The following ZNF385B variants were observed in gnomAD, a reference collection of about 807,000 sequenced individuals.
The protein encoded by ZNF385B is zinc finger protein 385B, also known as zinc finger protein 533.
ZNF385B carries 23 observed loss-of-function variants against 39.2 expected under a neutral mutation model. The observed-to-expected ratio is 0.59, with a 90% CI of 0.42 to 0.83. The LOEUF is 0.83. ZNF385B is among the 40% of genes least tolerant of loss of function. The pLI is 0.00. For synonymous variants in ZNF385B, 205 were observed against 222.6 expected (o/e 0.92, Z 0.70); for missense variants, 552 against 598.9 (o/e 0.92, Z 0.82).
At chr2:179,641,747 C>G (rs1692286201) in intron 3 of ZNF385B, among the ~76,000 whole-genome samples, 1 of 151,714 alleles carries the variant, frequency 6.6e-6, no homozygotes, top group African/African-American at 2.4e-5. Flanking sequence ...GAAATCTTAC[C>G]AGAGCAAATC....
intron 6 of ZNF385B, among the ~76,000 whole-genome samples, chr2:179,456,170 A>G (rs1317936564): frequency 6.6e-6 from 1 of 152,252 alleles, no homozygotes; most frequent in Non-Finnish European, 1.5e-5. Context: ...ATATTCAGAC[A>G]TCTCTGAAAA....
Position 179,443,371 on chromosome 2 carries a change from G to C in ZNF385B, c.1340C>G (p.Ser447Ter), listed in dbSNP as rs1176505823. 6.2e-7 allele frequency: 1 copy of C among 1,612,284 alleles called. No individual in the cohort carries two copies. The highest frequency in any genetic ancestry group is 8.5e-7 in the Non-Finnish European group (1 of 1,179,344). Residue 447 changes from serine to a stop codon, truncating the protein, a stop_gained, in exon 10 of 10, where the codon TCA (serine) becomes TGA (stop). Coordinates refer to ENST00000410066, the MANE Select transcript of ZNF385B (RefSeq NM_152520.6). LOFTEE classifies it low-confidence loss of function (END_TRUNC). ...AAAAAVSSAL[S>*]LPPRPSASLF... ...CGAGGCAGAGGGCCGGGGTGGGAGT[G>C]ACAGCGCTGAGGACACGGCTGCCGC... is the stretch of plus-strand genomic sequence containing the variant.
intron 3 of ZNF385B, among the ~76,000 whole-genome samples, chr2:179,639,133 G>C (rs577933273): frequency 1.2e-4 from 18 of 148,902 alleles, no homozygotes; most frequent in African/African-American, 3.9e-4. Context: ...GAGGTGGGAG[G>C]ATCACCTGAG....
chr2:179,485,503 T>A (rs997250679), intron 5 of ZNF385B, among the ~76,000 whole-genome samples: 3 of 152,152 alleles, frequency 2.0e-5, no homozygotes, highest in African/African-American at 7.2e-5. Context: ...GAACTGGTGA[T>A]GGTGAGCACC....
rs186933820 is a variant in ZNF385B at position 179,622,886 on chromosome 2, C to A, written c.299-77917G>T. On this transcript the variant is annotated intron_variant, in intron 3 of 9. Coordinates refer to ENST00000410066, the MANE Select transcript of ZNF385B (RefSeq NM_152520.6). ...AGGGACATGCCTACAACACTGGCAC[C>A]TGTGAGGGCCAGTTCATGCACTACC... 2.3e-3 allele frequency among the ~76,000 whole-genome samples: 347 copies of A among 152,268 alleles called. 1 individual carries two copies. Among genetic ancestry groups the A allele is most frequent in the African/African-American group, 6.7e-3 (280 of 41,554 alleles).
Position 179,442,241 on chromosome 2 carries a change from C to T in ZNF385B, c.*1009G>A, listed in dbSNP as rs2049040452. ...ATTATAAATTTTTTTATCTTCTGTA[C>T]ATTATTGCATTAGGGAGCCACAAAA... On this transcript the variant is annotated 3_prime_UTR_variant, in exon 10 of 10. Coordinates refer to ENST00000410066, the MANE Select transcript of ZNF385B (RefSeq NM_152520.6). The T allele has an allele frequency of 6.6e-6, 1 of 152,560 alleles. No individual in the cohort carries two copies. The highest frequency in any genetic ancestry group is 2.4e-5 in the African/African-American group (1 of 41,420). 9.5% of individuals were successfully genotyped at this position (152,560 alleles called of 1,614,324 possible).
Position 179,704,242 on chromosome 2 carries a change from A to G in ZNF385B, c.298+65261T>C, listed in dbSNP as rs144199266. 6.4e-4 allele frequency among the ~76,000 whole-genome samples: 97 copies of G among 152,310 alleles called. No individual in the cohort carries two copies. The East Asian group carries it at 0.018, about 28-fold the overall frequency. On this transcript the variant is annotated intron_variant, in intron 3 of 9. Coordinates refer to ENST00000410066, the MANE Select transcript of ZNF385B (RefSeq NM_152520.6). ...ATTTATTGAAAGAGTTTGATAATCC[A>G]CTGTTAGAAAATAATAAATTTTAAG...
intron 1 of ZNF385B, among the ~76,000 whole-genome samples, chr2:179,780,345 G>A (rs918633784): frequency 6.6e-6 from 1 of 152,074 alleles, no homozygotes; most frequent in African/African-American, 2.4e-5. Context: ...CATCTCTAAG[G>A]CACAGGAGTC....
intron 5 of ZNF385B, among the ~76,000 whole-genome samples, chr2:179,500,983 A>G (rs767551278): frequency 6.6e-6 from 1 of 152,216 alleles, no homozygotes; most frequent in Non-Finnish European, 1.5e-5. Context: ...AAACAGGCAT[A>G]TGAAAAGGTG....
intron 3 of ZNF385B, among the ~76,000 whole-genome samples, chr2:179,582,760 A>T (rs534083718): frequency 1.3e-5 from 2 of 152,332 alleles, no homozygotes; most frequent in South Asian, 4.1e-4. Flanking sequence ...TAGTAAACAG[A>T]GGGTTCTCAT....
chr2:179,761,761 CTTTTTTTTTTT>C (rs34325728), intron 3 of ZNF385B, among the ~76,000 whole-genome samples: 1 of 110,286 alleles, frequency 9.1e-6, no homozygotes, highest in African/African-American at 3.4e-5. Context: ...TTTTTCTTTT[CTTTTTTTTTTT>C]TTTTTTTTTG....
rs190434222 is a variant in ZNF385B, at chr2:179,457,466, T to C, written c.716-10696A>G. Among the ~76,000 whole-genome samples, 450 of 152,250 alleles carry C rather than the reference T, an allele frequency of 3.0e-3. 2 individuals are homozygous for C. Among genetic ancestry groups the C allele is most frequent in the Non-Finnish European group, 5.0e-3 (339 of 67,972 alleles). ...AGATTCTGAAAACAGTCTTCCAAACTGATTGTACCAATATATATTTCTATC... is the reference window on the plus strand; with the variant it reads ...AGATTCTGAAAACAGTCTTCCAAACCGATTGTACCAATATATATTTCTATC... On this transcript the variant is annotated intron_variant, in intron 6 of 9. Transcript: ENST00000410066.
intron 1 of ZNF385B, among the ~76,000 whole-genome samples, chr2:179,814,070 A>G (rs1706903856): frequency 6.6e-6 from 1 of 152,258 alleles, no homozygotes; most frequent in African/African-American, 2.4e-5. Flanking sequence ...ACATGTGGAA[A>G]GTGTTACAAA....
At chr2:179,450,502 C>A (rs1168756986) in intron 6 of ZNF385B, among the ~76,000 whole-genome samples, 1 of 152,156 alleles carries the variant, frequency 6.6e-6, no homozygotes, top group Non-Finnish European at 1.5e-5. Context: ...TGAAAAAATG[C>A]TCATCATCAC....
intron 3 of ZNF385B, among the ~76,000 whole-genome samples, chr2:179,763,070 A>C (rs1296657655): frequency 1.3e-5 from 2 of 151,956 alleles, no homozygotes; most frequent in African/African-American, 4.8e-5. Context: ...ATGCTAGGTA[A>C]ATTTTTGTAT....
intron 1 of ZNF385B, among the ~76,000 whole-genome samples, chr2:179,780,979 G>GT: frequency 1.3e-5 from 2 of 152,248 alleles, no homozygotes; most frequent in South Asian, 4.1e-4. Flanking sequence ...AGATTAAACT[G>GT]GGACTGCCCC....
chr2:179,800,461 G>T (rs544540129), intron 1 of ZNF385B, among the ~76,000 whole-genome samples: 122 of 152,128 alleles, frequency 8.0e-4, no homozygotes, highest in African/African-American at 2.9e-3. Context: ...TTGCCATTCT[G>T]CTTTTAAATG....
intron 5 of ZNF385B, among the ~76,000 whole-genome samples, chr2:179,502,542 T>C (rs970646023): frequency 2.0e-5 from 3 of 152,306 alleles, no homozygotes; most frequent in Non-Finnish European, 4.4e-5. Flanking sequence ...TTCCCTCTCC[T>C]GCCATCCATG....
intron 3 of ZNF385B, among the ~76,000 whole-genome samples, chr2:179,736,837 G>T (rs1267124263): frequency 6.6e-6 from 1 of 152,122 alleles, no homozygotes; most frequent in Admixed American, 6.5e-5. Context: ...AGGCATGGTG[G>T]TGAGCACCTG....
Sources: allele counts gnomAD v4.1 joint callset (sites outside exome capture counted in the v4.1 genomes callset), GRCh38; gene constraint gnomAD v4.1.1; transcripts MANE v1.5; gene names NCBI Gene and HGNC (gene_info 2026-07-23, HGNC 2026-07-21).